ZNF592: variants seen among roughly 807,000 people sequenced by gnomAD.
ZNF592 encodes zinc finger protein 592.
In ZNF592, 11 loss-of-function variants were observed where a neutral mutation model predicts 80.3. The observed-to-expected ratio is 0.14, with a 90% confidence interval of 0.09 to 0.23. ZNF592 has a LOEUF of 0.23. ZNF592 is among the 10% of genes least tolerant of loss of function. ZNF592 has a pLI of 1.00. For synonymous variants in ZNF592, 646 were observed against 640.3 expected, an observed-to-expected ratio of 1.01 and a Z score of -0.13; for missense variants, 1,420 against 1,633.9, an observed-to-expected ratio of 0.87 and a Z score of 2.26.
chr15:84,764,916 T>G (rs1211573564), intron 2 of ZNF592, 101 bp downstream of exon 2: 11 of 396,068 alleles, frequency 2.8e-5, no homozygotes, highest in Admixed American at 1.8e-4. Flanking sequence ...TTTTGTTTTT[T>G]TTTGATGATA....
chr15:84,790,919 C>T lies in ZNF592; in HGVS notation c.2399+36C>T, dbSNP rs773989487. The stretch of plus-strand genomic sequence containing the variant: ...CCTGGCTTGCTGTCCTGGTATTGCC[C>T]AATGGCTGGTCCTTTTCCTAAGCCA... On this transcript the variant is annotated intron_variant, in intron 5 of 10. Transcript: ENST00000560079. 8 of 1,613,250 alleles carry T rather than the reference C, an allele frequency of 5.0e-6. No individual in the cohort carries two copies. In the South Asian group the frequency reaches 6.6e-5, roughly 13 times the overall value.
At chr15:84,773,433 G>A (rs1344229650) in intron 2 of ZNF592, among the ~76,000 whole-genome samples, 6 of 151,824 alleles carry the variant, frequency 4.0e-5, no homozygotes, top group African/African-American at 7.3e-5. Flanking sequence ...GGATGGTCTC[G>A]ATCTCCTGAC....
chr15:84,796,723 C>T (rs185253733), intron 5 of ZNF592, among the ~76,000 whole-genome samples: 1 of 151,566 alleles, frequency 6.6e-6, no homozygotes, highest in Admixed American at 6.6e-5. Context: ...AAAAATCCAC[C>T]AAATAAACTC....
At chr15:84,759,302 C>T (rs1456199348) in intron 1 of ZNF592, among the ~76,000 whole-genome samples, 1 of 152,158 alleles carries the variant, frequency 6.6e-6, no homozygotes, top group Non-Finnish European at 1.5e-5. Context: ...TGGTTATTGG[C>T]ACACAGGTCA....
intron 10 of ZNF592, among the ~76,000 whole-genome samples, chr15:84,800,705 T>C (rs1963068139): frequency 6.6e-6 from 1 of 152,220 alleles, no homozygotes; most frequent in African/African-American, 2.4e-5. Context: ...ACCTGTCCAA[T>C]TGTAAAATGT....
chr15:84,750,132 T>A (rs1390452091), intron 1 of ZNF592, among the ~76,000 whole-genome samples: 2 of 152,136 alleles, frequency 1.3e-5, no homozygotes, highest in Non-Finnish European at 2.9e-5. Flanking sequence ...TGAAACCCCG[T>A]CTCCACTAAA....
intron 4 of ZNF592, among the ~76,000 whole-genome samples, chr15:84,788,153 G>A (rs1175876299): frequency 2.6e-5 from 4 of 152,124 alleles, no homozygotes; most frequent in Admixed American, 6.6e-5. Flanking sequence ...AGGGTGCTGC[G>A]TTCTTCCTGT....
chr15:84,761,048 C>G (rs1171402303), intron 1 of ZNF592, among the ~76,000 whole-genome samples: 1 of 152,126 alleles, frequency 6.6e-6, no homozygotes, highest in African/African-American at 2.4e-5. Context: ...ACTGCAACCT[C>G]CATCTCCCGG....
chr15:84,790,238 G>A (rs1962708080), intron 4 of ZNF592, among the ~76,000 whole-genome samples: 1 of 152,140 alleles, frequency 6.6e-6, no homozygotes, highest in African/African-American at 2.4e-5. Flanking sequence ...CACTTTGGAA[G>A]TCACTGATCC....
intron 4 of ZNF592, among the ~76,000 whole-genome samples, chr15:84,789,092 C>CA (rs1396215509): frequency 6.7e-6 from 1 of 149,150 alleles, no homozygotes; most frequent in South Asian, 2.2e-4. Context: ...AACCAAAAAA[C>CA]AAAAATTAGC....
At chr15:84,787,764 A>G (rs970548055) in intron 4 of ZNF592, among the ~76,000 whole-genome samples, 3 of 152,192 alleles carry the variant, frequency 2.0e-5, no homozygotes, top group African/African-American at 7.2e-5. Context: ...AGATTTTTCC[A>G]GTTATGTCAA....
At chr15:84,762,981 G>A (rs1899395808) in intron 1 of ZNF592, among the ~76,000 whole-genome samples, 1 of 152,180 alleles carries the variant, frequency 6.6e-6, no homozygotes, top group Non-Finnish European at 1.5e-5. Flanking sequence ...ACTCTAAGTT[G>A]TGTCATCATT....
chr15:84,771,236 T>G (rs1274734515), intron 2 of ZNF592, among the ~76,000 whole-genome samples: 1 of 151,976 alleles, frequency 6.6e-6, no homozygotes, highest in Non-Finnish European at 1.5e-5. Context: ...AGTGCTGCCA[T>G]AGAGGAAGAG....
chr15:84,785,902 C>T (rs547478413), intron 4 of ZNF592, among the ~76,000 whole-genome samples: 9 of 152,006 alleles, frequency 5.9e-5, no homozygotes, highest in Admixed American at 3.9e-4. Context: ...TGAGAATACC[C>T]TTTGGCACCT....
intron 5 of ZNF592, among the ~76,000 whole-genome samples, chr15:84,796,298 A>T (rs28616665): frequency 3.2e-4 from 38 of 118,838 alleles, no homozygotes; most frequent in South Asian, 1.1e-3. Flanking sequence ...TATATATAAA[A>T]AAACGAAGGG....
chr15:84,768,210 TTTTC>T lies in ZNF592; in HGVS notation c.-150+3415_-150+3418del, dbSNP rs201888335. ...GCCAGTATCTTCTTATCTTCTTTCC[TTTTC>T]TTTCTTTCTTTCTTTCTTTTTTTTT... On this transcript the variant is annotated intron_variant, in intron 2 of 10. Coordinates refer to ENST00000560079, the MANE Select transcript of ZNF592 (RefSeq NM_014630.3). Among the ~76,000 whole-genome samples the T allele has an allele frequency of 7.3e-3, 1,044 of 142,114 alleles. 9 individuals carry two copies. The highest frequency in any genetic ancestry group is 0.019 in the Middle Eastern group (5 of 262). 93.2% of individuals were successfully genotyped at this position (142,114 alleles called of 152,430 possible). A position where few individuals can be genotyped will look rare whatever the true frequency, so the allele number is the denominator to read the frequency against.
At chr15:84,781,038 ATTATTTAT>A (rs923778639) in intron 3 of ZNF592, among the ~76,000 whole-genome samples, 7 of 151,628 alleles carry the variant, frequency 4.6e-5, no homozygotes, top group African/African-American at 1.5e-4. Flanking sequence ...GAGAATTTTT[ATTATTTAT>A]TTATTTATTT....
chr15:84,752,316 A>T (rs1161099200), intron 1 of ZNF592, among the ~76,000 whole-genome samples: 4 of 152,162 alleles, frequency 2.6e-5, no homozygotes, highest in Admixed American at 2.6e-4. Flanking sequence ...AGCTTAGAGT[A>T]TCCAGTGGAG....
In ZNF592 at chr15:84,763,485, C is replaced by A. The variant is rs540853515; in HGVS notation, c.-258-1222C>A. On this transcript the variant is annotated intron_variant, in intron 1 of 10. Transcript: ENST00000560079. ...ATTTATTTACTATTGGACAGCAGACCTAAGACACCCCTTGGCCCCTGATCT... is the reference window on the plus strand; with the variant it reads ...ATTTATTTACTATTGGACAGCAGACATAAGACACCCCTTGGCCCCTGATCT... Among the ~76,000 whole-genome samples the A allele has an allele frequency of 2.0e-5, 3 of 152,202 alleles. No individual in the cohort carries two copies. The South Asian group carries it at 6.2e-4, about 32-fold the overall frequency.
Sources: allele counts gnomAD v4.1 joint callset (sites outside exome capture counted in the v4.1 genomes callset), GRCh38; gene constraint gnomAD v4.1.1; transcripts MANE v1.5; gene names NCBI Gene and HGNC (gene_info 2026-07-23, HGNC 2026-07-21).